Variants in CROCC2 observed in about 807,000 individuals in gnomAD.
CROCC2 encodes ciliary rootlet coiled-coil, rootletin family member 2.
A neutral mutation model predicts 177.6 loss-of-function variants in CROCC2; 163 were observed. The ratio of observed to expected loss-of-function variants is 0.92; its 90% CI spans 0.81 to 1.05. CROCC2 has a LOEUF of 1.05. Ranked by LOEUF, CROCC2 falls within the 50% of genes least tolerant of loss-of-function variation. CROCC2 has a pLI of 0.00. For missense variants in CROCC2, 1,929 were observed against 1,797.8 expected, an observed-to-expected ratio of 1.07 and a Z score of -1.32; for synonymous variants, 904 against 787.3, an observed-to-expected ratio of 1.15 and a Z score of -2.48.
intron 1 of CROCC2, among the ~76,000 whole-genome samples, chr2:240,911,085 C>T (rs533913910): frequency 1.1e-4 from 16 of 152,068 alleles, no homozygotes; most frequent in South Asian, 4.2e-4. Context: ...GAGCCAAGAT[C>T]GCACCACTGT....
chr2:240,916,239 TC>T (rs1022358213), intron 1 of CROCC2, among the ~76,000 whole-genome samples: 1 of 151,566 alleles, frequency 6.6e-6, no homozygotes, highest in African/African-American at 2.4e-5. Flanking sequence ...TTCCTTCCCC[TC>T]CTCTCCCATC....
chr2:240,922,683 C>T, intron 4 of CROCC2, 38 bp downstream of exon 4: 2 of 539,810 alleles, frequency 3.7e-6, no homozygotes, highest in South Asian at 4.5e-5. Flanking sequence ...CTGCAGGAAG[C>T]ACAGCCATCC....
chr2:240,922,521 G>C lies in CROCC2; in HGVS notation c.382-18G>C. The C allele has an allele frequency of 1.4e-6, 1 of 693,164 alleles. No individual in the cohort carries two copies. The highest frequency in any genetic ancestry group is 2.7e-6 in the Non-Finnish European group (1 of 370,864). The allele number at this position is 693,164 out of a possible 1,614,324, so 42.9% of individuals were successfully genotyped here. On this transcript the variant is annotated intron_variant, in intron 3 of 31. Transcript: ENST00000690015. ...GTTCAGGAGCAGCCAGACCAGGTGG[G>C]CTATTGCTCCTCCCCAGCTGCAGGC...
At chr2:240,966,171 G>A (rs192015221) in intron 24 of CROCC2, 54 bp from the exon 25 acceptor site, 42 of 1,215,076 alleles carry the variant, frequency 3.5e-5, no homozygotes, top group African/African-American at 4.7e-5. Context: ...GGGGAAGGGC[G>A]TGTATCTGTC....
chr2:240,971,419 A>G (rs1312103408), intron 27 of CROCC2, among the ~76,000 whole-genome samples: 1 of 152,038 alleles, frequency 6.6e-6, no homozygotes. Context: ...CGCTCATGGC[A>G]TCTCTCCTGG....
chr2:240,939,459 T>C (rs1291003582), intron 14 of CROCC2, among the ~76,000 whole-genome samples: 4 of 147,860 alleles, frequency 2.7e-5, no homozygotes, highest in African/African-American at 1.0e-4. Flanking sequence ...TAATTTTCTT[T>C]CCTTGGAATC....
In CROCC2 at chr2:240,948,931, C is replaced by T. The variant is rs752747953; in HGVS notation, c.2364-48C>T. The T allele has an allele frequency of 3.7e-5, 57 of 1,525,996 alleles. No individual in the cohort carries two copies. The South Asian group carries it at 3.9e-4, about 11-fold the overall frequency. 94.5% of individuals were successfully genotyped at this position (1,525,996 alleles called of 1,614,324 possible). On this transcript the variant is annotated intron_variant, in intron 15 of 31. Coordinates refer to ENST00000690015, the MANE Select transcript of CROCC2 (RefSeq NM_001351305.2). The stretch of plus-strand genomic sequence containing the variant: ...GTAAAGCTATAGAGAGCATTTTACA[C>T]GCAGGATCTTGGGGATGACTTGCCC...
At chr2:240,935,924 C>A (rs2059466814) in intron 14 of CROCC2, among the ~76,000 whole-genome samples, 1 of 152,250 alleles carries the variant, frequency 6.6e-6, no homozygotes, top group African/African-American at 2.4e-5. Context: ...CACATCCACA[C>A]AGCTGAACTC....
intron 1 of CROCC2, among the ~76,000 whole-genome samples, chr2:240,916,453 CCCCCATGCGCT>C (rs1559588398): frequency 3.7e-5 from 3 of 81,646 alleles, no homozygotes; most frequent in African/African-American, 1.5e-4. Flanking sequence ...TCCCCCGCCC[CCCCCATGCGCT>C]CCCCCCGTGC....
chr2:240,987,640 G>A (rs553122524), intron 28 of CROCC2, among the ~76,000 whole-genome samples: 1 of 152,358 alleles, frequency 6.6e-6, no homozygotes, highest in Admixed American at 6.5e-5. Flanking sequence ...GGTTTGTGGT[G>A]TGCCAAGTGT....
chr2:240,988,668 C>CCGTATCATTAAAAAA, intron 28 of CROCC2, 71 bp from the exon 29 acceptor site: 3 of 1,286,612 alleles, frequency 2.3e-6, no homozygotes, highest in South Asian at 5.5e-5. Flanking sequence ...CCCTGTGCTC[C>CCGTATCATTAAAAAA]CAGAGGAGGG....
chr2:240,945,270 TAGA>T (rs1261272446), intron 14 of CROCC2, among the ~76,000 whole-genome samples: 2 of 152,196 alleles, frequency 1.3e-5, no homozygotes, highest in African/African-American at 4.8e-5. Flanking sequence ...GCAGTGAACG[TAGA>T]AGGTCACTGT....
At position 240,930,164 on chromosome 2, in the gene CROCC2, A is replaced by G. The variant is rs2059418222; in HGVS notation, c.646-2A>G. ...AGTAGACAGGAGGCCTCTTGCTTTC[A>G]GACCCGGTCAGGGGGCCTGGGGCAG... is the stretch of plus-strand genomic sequence containing the variant. On this transcript the variant is annotated splice_acceptor_variant, in intron 5 of 31. Coordinates refer to ENST00000690015, the MANE Select transcript of CROCC2 (RefSeq NM_001351305.2). LOFTEE classifies it high-confidence loss of function. 1.8e-6 allele frequency: 1 copy of G among 546,790 alleles called. No homozygotes were observed. Among genetic ancestry groups the G allele is most frequent in the Non-Finnish European group, 3.3e-6 (1 of 299,534 alleles). The allele number at this position is 546,790 out of a possible 1,614,324, so 33.9% of individuals were successfully genotyped here.
In CROCC2 at chr2:240,955,975, G is replaced by A. The variant is rs987490543; in HGVS notation, c.2943+3G>A. ...AGAGCCAGCAGGAGCAAGCGCAGGT[G>A]AGCCCCATGCAGCCAGGCCACGTGC... On this transcript the variant is annotated splice_donor_region_variant and intron_variant, in intron 19 of 31. Coordinates refer to ENST00000690015, the MANE Select transcript of CROCC2 (RefSeq NM_001351305.2). The A allele has an allele frequency of 2.0e-6, 3 of 1,533,182 alleles. No individual in the cohort carries two copies. Among genetic ancestry groups the A allele is most frequent in the East Asian group, 2.4e-5 (1 of 40,916 alleles). 95.0% of individuals were successfully genotyped at this position (1,533,182 alleles called of 1,614,324 possible).
intron 1 of CROCC2, among the ~76,000 whole-genome samples, chr2:240,914,406 C>A (rs976752919): frequency 1.3e-5 from 2 of 152,232 alleles, no homozygotes; most frequent in Admixed American, 1.3e-4. Flanking sequence ...GATGCTGGCG[C>A]GCGCCTTCAC....
chr2:240,913,433 T>C (rs1021809734), intron 1 of CROCC2, among the ~76,000 whole-genome samples: 1 of 152,130 alleles, frequency 6.6e-6, no homozygotes, highest in Non-Finnish European at 1.5e-5. Flanking sequence ...TCTGAGTCAT[T>C]TTGCCATTGG....
Position 240,990,651 on chromosome 2 carries a change from C to T in CROCC2, c.4864-545C>T, listed in dbSNP as rs112565402. The stretch of plus-strand genomic sequence containing the variant: ...GGGTTGGTGTGCAGTGGCGCGATCT[C>T]GGCTCACTGCAACCTCCACCTGCTG... On this transcript the variant is annotated intron_variant, in intron 30 of 31. Transcript: ENST00000690015. 5.4e-3 allele frequency among the ~76,000 whole-genome samples: 817 copies of T among 152,278 alleles called. 11 individuals are homozygous for T. Among genetic ancestry groups the T allele is most frequent in the Middle Eastern group, 0.02 (6 of 294 alleles).
chr2:240,947,754 G>A (rs1225716078), intron 15 of CROCC2, among the ~76,000 whole-genome samples: 1 of 152,120 alleles, frequency 6.6e-6, no homozygotes, highest in Non-Finnish European at 1.5e-5. Flanking sequence ...CTTCAGCAGT[G>A]GGGACCTGCT....
In CROCC2 at chr2:240,949,960, G is replaced by A. The variant is rs1207032333; in HGVS notation, c.2652+258G>A. 6.6e-6 allele frequency among the ~76,000 whole-genome samples: 1 copy of A among 152,274 alleles called. No homozygotes were observed. Among genetic ancestry groups the A allele is most frequent in the East Asian group, 1.9e-4 (1 of 5,192 alleles). On this transcript the variant is annotated intron_variant, in intron 17 of 31. Transcript: ENST00000690015. The surrounding 1 kb of genome is among the most constrained non-coding windows in gnomAD (Gnocchi z 4.5). The stretch of plus-strand genomic sequence containing the variant: ...GAAGAGGCTGGAAGGGCTGCTGGCT[G>A]GTCTGGTGCAGTCTGAAGGATGAGG...
Sources: gnomAD v4.1 joint callset for allele counts (sites outside exome capture counted in the v4.1 genomes callset) on GRCh38, gnomAD v4.1.1 for gene constraint, Gnocchi (gnomAD v3.1) non-coding constraint, MANE v1.5 for transcripts, NCBI Gene and HGNC (gene_info 2026-07-23, HGNC 2026-07-21) for gene names.